The following VSIG10L2 variants were observed in gnomAD, a reference collection of about 807,000 sequenced individuals.
VSIG10L2 encodes V-set and immunoglobulin domain-containing protein 10-like 2.
VSIG10L2 carries 56 observed loss-of-function variants against 67.1 expected under a neutral mutation model. The observed-to-expected ratio is 0.83, with a 90% CI of 0.67 to 1.04. VSIG10L2 has a LOEUF of 1.04. VSIG10L2 is among the 50% of genes least tolerant of loss of function. VSIG10L2 has a pLI of 0.00. For synonymous variants in VSIG10L2, 360 were observed against 396.6 expected, an observed-to-expected ratio of 0.91 and a Z score of 1.10; for missense variants, 843 against 932.8, an observed-to-expected ratio of 0.90 and a Z score of 1.25.
chr11:125,948,776 C>A (rs1945327072), intron 3 of VSIG10L2, among the ~76,000 whole-genome samples, 196 bp downstream of exon 3: 1 of 152,262 alleles, frequency 6.6e-6, no homozygotes, highest in Non-Finnish European at 1.5e-5. Context: ...GGCTGTTAGC[C>A]TTATAAAGGT....
intron 6 of VSIG10L2, among the ~76,000 whole-genome samples, chr11:125,953,176 GA>G (rs939660998): frequency 2.6e-5 from 4 of 152,224 alleles, no homozygotes; most frequent in Admixed American, 2.6e-4. Context: ...GAACAGGGAG[GA>G]ACACTGCTGA....
intron 1 of VSIG10L2, 197 bp from the exon 2 acceptor site, chr11:125,947,489 C>T: frequency 1.0e-6 from 1 of 985,386 alleles, no homozygotes; most frequent in Non-Finnish European, 1.2e-6. Context: ...TTCAGTGCAT[C>T]CAAACAGGAA....
chr11:125,949,433 A>G (rs1253984338), intron 3 of VSIG10L2, among the ~76,000 whole-genome samples: 1 of 152,188 alleles, frequency 6.6e-6, no homozygotes, highest in African/African-American at 2.4e-5. Flanking sequence ...GTTTGTGGAA[A>G]TTGTGAACTG....
chr11:125,950,033 G>C lies in VSIG10L2; in HGVS notation c.729G>C (p.Val243=). 2.4e-6 allele frequency: 3 copies of C among 1,232,334 alleles called. No individual in the cohort carries two copies. Among genetic ancestry groups the C allele is most frequent in the Non-Finnish European group, 3.0e-6 (3 of 988,112 alleles). 76.3% of individuals were successfully genotyped at this position (1,232,334 alleles called of 1,614,324 possible). The change falls in exon 4 of 12, where the codon GTG becomes GTC. Residue 243 remains valine (V), a synonymous_variant. Coordinates refer to ENST00000686984, the MANE Select transcript of VSIG10L2 (RefSeq NM_001365077.2). ...LDVIYGPDKP[V]ITMEPLGLTE... is the part of the protein sequence containing the mutation. ...CTCCAGATGGTCCTGACAAGCCTGT[G>C]ATCACCATGGAGCCGCTGGGACTCA...
chr11:125,954,311 G>T lies in VSIG10L2; in HGVS notation c.2011G>T (p.Val671Phe), dbSNP rs1213978831. 1.6e-6 allele frequency: 2 copies of T among 1,232,040 alleles called. No individual in the cohort carries two copies. Among genetic ancestry groups the T allele is most frequent in the Non-Finnish European group, 2.0e-6 (2 of 987,978 alleles). 76.3% of individuals were successfully genotyped at this position (1,232,040 alleles called of 1,614,324 possible). A position where few individuals can be genotyped will look rare whatever the true frequency, so the allele number is the denominator to read the frequency against. The change falls in exon 8 of 12, where the codon GTC (valine) becomes TTC (phenylalanine). Residue 671 changes from valine (V) to phenylalanine (F), a missense_variant. By Grantham distance (50) the Val-to-Phe change is conservative. Coordinates refer to ENST00000686984, the MANE Select transcript of VSIG10L2 (RefSeq NM_001365077.2). ...GCGGCTGGGGGGCTTGGACCCCGGG[G>T]TCCTTTATGCCTTCCGCATCCTGGC... ...GRRLGGLDPG[V>F]LYAFRILALN...
Position 125,951,932 on chromosome 11 carries a change from C to T in VSIG10L2, c.1354C>T (p.Gln452Ter), listed in dbSNP as rs1347171760. Residue 452 changes from glutamine to a stop codon, truncating the protein, a stop_gained, in exon 6 of 12, where the codon CAG becomes TAG. Transcript: ENST00000686984. LOFTEE classifies it high-confidence loss of function. The stretch of plus-strand genomic sequence containing the variant: ...TGCCACGCTGGGCTGGCTTGACGAA[C>T]AGCAGCAGCCCCTGGGCGGCAGCAG... ...PPATLGWLDE[Q>*]QQPLGGSSSS... is the part of the protein sequence containing the mutation. 1 of 1,535,920 alleles carries T rather than the reference C, an allele frequency of 6.5e-7. No homozygotes were observed. The highest frequency in any genetic ancestry group is 2.4e-5 in the East Asian group (1 of 40,924).
Position 125,954,308 on chromosome 11 carries a change from G to T in VSIG10L2, c.2008G>T (p.Gly670Trp). 2 of 1,231,978 alleles carry T rather than the reference G, an allele frequency of 1.6e-6. No individual in the cohort carries two copies. The highest frequency in any genetic ancestry group is 4.2e-5 in the Admixed American group (1 of 23,698). The allele number at this position is 1,231,978 out of a possible 1,614,324, so 76.3% of individuals were successfully genotyped here. ...RGRRLGGLDP[G>W]VLYAFRILAL... Reference sequence around the variant, plus strand: ...ACGGCGGCTGGGGGGCTTGGACCCCGGGGTCCTTTATGCCTTCCGCATCCT... The same window carrying T: ...ACGGCGGCTGGGGGGCTTGGACCCCTGGGTCCTTTATGCCTTCCGCATCCT... Residue 670 changes from glycine to tryptophan, a missense_variant, in exon 8 of 12, where the codon GGG (glycine) becomes TGG (tryptophan). Transcript: ENST00000686984.
chr11:125,946,133 C>T lies in VSIG10L2; in HGVS notation c.78C>T (p.Ala26=), dbSNP rs1200300890. The T allele has an allele frequency of 2.5e-6, 1 of 399,014 alleles. No homozygotes were observed. 24.7% of individuals were successfully genotyped at this position (399,014 alleles called of 1,614,324 possible). ...ACCTCTGCCTTCTGCACCTGAGGGC[C>T]TCAGGTGAGTGATACTCAGACCCCC... ...LIHLCLLHLR[A]SGQPHPTPEA... is the part of the protein sequence containing the mutation. Residue 26 remains alanine (A), a synonymous_variant, in exon 1 of 12, where the codon GCC becomes GCT. Transcript: ENST00000686984. The surrounding 1 kb of genome is among the most constrained non-coding windows in gnomAD (Gnocchi z 4.4).
intron 5 of VSIG10L2, 21 bp from the exon 6 acceptor site, chr11:125,951,792 C>T: frequency 6.8e-7 from 1 of 1,478,942 alleles, no homozygotes. Context: ...CAGGGCCATA[C>T]TGAGCCATCA....
At chr11:125,954,027 G>A (rs1945415661) in intron 7 of VSIG10L2, 60 bp from the exon 8 acceptor site, 1 of 1,213,950 alleles carries the variant, frequency 8.2e-7, no homozygotes, top group Non-Finnish European at 1.0e-6. Context: ...AAATCTGGGG[G>A]CACAAGGTCA....
At chr11:125,947,602 A>T in intron 1 of VSIG10L2, 84 bp from the exon 2 acceptor site, 1 of 1,231,684 alleles carries the variant, frequency 8.1e-7, no homozygotes, top group Non-Finnish European at 1.0e-6. Flanking sequence ...CTGCAGAACC[A>T]AAAAGAGAGG....
intron 8 of VSIG10L2, among the ~76,000 whole-genome samples, chr11:125,954,737 C>G (rs1377924038): frequency 2.0e-5 from 3 of 152,236 alleles, no homozygotes; most frequent in Non-Finnish European, 4.4e-5. Context: ...CTGCTGCCCC[C>G]TCTCCATCCT....
At chr11:125,948,980 C>G (rs1054052024) in intron 3 of VSIG10L2, among the ~76,000 whole-genome samples, 1 of 152,140 alleles carries the variant, frequency 6.6e-6, no homozygotes, top group Non-Finnish European at 1.5e-5. Context: ...AAGTCAGGAG[C>G]CCCGGGTGAA....
rs931092304 is a variant in VSIG10L2 at position 125,948,597 on chromosome 11, T to TG, written c.709+24dup. The stretch of plus-strand genomic sequence containing the variant: ...ACGTCATTTGTGAGTCAGACTGTGG[T>TG]GGGGGGGCTGTCAGGGCTGACACCC... On this transcript the variant is annotated intron_variant, in intron 3 of 11. Transcript: ENST00000686984. 23 of 1,231,838 alleles carry TG rather than the reference T, an allele frequency of 1.9e-5. No individual in the cohort carries two copies. The highest frequency in any genetic ancestry group is 1.9e-5 in the Non-Finnish European group (19 of 988,040). The allele number at this position is 1,231,838 out of a possible 1,614,324, so 76.3% of individuals were successfully genotyped here.
rs964157129 is a variant in VSIG10L2 at position 125,953,889 on chromosome 11, C to T, written c.1787-198C>T. ...TGCTGCACTCACGGCAAACAGAACG[C>T]CATGCAGGCAGGATCGCCTTTCATT... On this transcript the variant is annotated intron_variant, in intron 7 of 11. Transcript: ENST00000686984. Among the ~76,000 whole-genome samples, 4 of 152,344 alleles carry T rather than the reference C, an allele frequency of 2.6e-5. No homozygotes were observed. The East Asian group carries it at 7.7e-4, about 29-fold the overall frequency.
chr11:125,954,614 C>G, intron 8 of VSIG10L2, among the ~76,000 whole-genome samples: 1 of 152,122 alleles, frequency 6.6e-6, no homozygotes, highest in East Asian at 1.9e-4. Flanking sequence ...GGTTAGGAAC[C>G]CTAATTCATG....
In VSIG10L2 at chr11:125,953,494, T is replaced by G; in HGVS notation, c.1590T>G (p.Pro530=). The G allele has an allele frequency of 8.1e-7, 1 of 1,232,236 alleles. No homozygotes were observed. Among genetic ancestry groups the G allele is most frequent in the Non-Finnish European group, 1.0e-6 (1 of 988,076 alleles). The allele number at this position is 1,232,236 out of a possible 1,614,324, so 76.3% of individuals were successfully genotyped here. ...GCTCTCTCCGCGGGGGCACACCACCTGCCCAGCTCCTCTGGCTGGGGCCTC... is the reference window on the plus strand; with the variant it reads ...GCTCTCTCCGCGGGGGCACACCACCGGCCCAGCTCCTCTGGCTGGGGCCTC... ...LECSLRGGTP[P]AQLLWLGPQQ... Residue 530 remains proline, a synonymous_variant, in exon 7 of 12, where the codon CCT becomes CCG. Coordinates refer to ENST00000686984, the MANE Select transcript of VSIG10L2 (RefSeq NM_001365077.2).
rs140039395 is a variant in VSIG10L2 at position 125,955,506 on chromosome 11, C to T, written c.2231C>T (p.Thr744Met). Reference protein sequence around the residue: ...FPRLGQLLVPTEQRHQQRGSR... With the variant: ...FPRLGQLLVPMEQRHQQRGSR... ...GGCCTTGGTCAATTGCTTGTTCCCA[C>T]GTGAGTGTGGAACCCCAGTCATCCT... is the stretch of plus-strand genomic sequence containing the variant. Residue 744 changes from threonine to methionine, a missense_variant and splice_region_variant, in exon 10 of 12, where the codon ACG (threonine) becomes ATG (methionine). Around this residue, in one of 2 missense-constraint regions of VSIG10L2, gnomAD observed 397 missense variants for 384.4 expected, o/e 1.03. Coordinates refer to ENST00000686984, the MANE Select transcript of VSIG10L2 (RefSeq NM_001365077.2). The T allele has an allele frequency of 1.0e-5, 10 of 962,878 alleles. No homozygotes were observed. Among genetic ancestry groups the T allele is most frequent in the Admixed American group, 4.3e-5 (2 of 46,434 alleles). The allele number at this position is 962,878 out of a possible 1,614,324, so 59.6% of individuals were successfully genotyped here.
At position 125,947,369 on chromosome 11, in the gene VSIG10L2, C is replaced by G. The variant is rs148004293; in HGVS notation, c.83-317C>G. The G allele has an allele frequency of 7.9e-5, 76 of 964,826 alleles. No homozygotes were observed. The African/African-American group carries it at 1.2e-3, about 15-fold the overall frequency. The allele number at this position is 964,826 out of a possible 1,614,324, so 59.8% of individuals were successfully genotyped here. A position where few individuals can be genotyped will look rare whatever the true frequency, so the allele number is the denominator to read the frequency against. On this transcript the variant is annotated intron_variant, in intron 1 of 11. Coordinates refer to ENST00000686984, the MANE Select transcript of VSIG10L2 (RefSeq NM_001365077.2). ...CCTCACCACCACTGGGAGTGTCTGA[C>G]TTGATAGTCTGGGGTGACGTCCACG...
Sources: allele counts gnomAD v4.1 joint callset (sites outside exome capture counted in the v4.1 genomes callset), GRCh38; gene constraint gnomAD v4.1.1; regional missense constraint gnomAD v4.1.1; non-coding constraint Gnocchi (gnomAD v3.1); transcripts MANE v1.5; gene names NCBI Gene and HGNC (gene_info 2026-07-23, HGNC 2026-07-21).